Variants in GRIN2B observed in about 807,000 individuals in gnomAD.
GRIN2B encodes glutamate receptor ionotropic, NMDA 2B.
GRIN2B carries 5 observed loss-of-function variants against 114.5 expected under a neutral mutation model. The observed-to-expected ratio is 0.04, with a 90% CI of 0.02 to 0.09. The LOEUF (loss-of-function observed/expected upper bound fraction) is 0.09, where lower values mean the gene tolerates loss of function less well. Among genes scored for constraint, GRIN2B ranks in the 10% least tolerant of loss-of-function variants. GRIN2B has a pLI of 1.00. For synonymous variants in GRIN2B, 787 were observed against 745.1 expected (o/e 1.06, Z -0.92); for missense variants, 1,108 against 1,943.5 (o/e 0.57, Z 8.08).
intron 3 of GRIN2B, among the ~76,000 whole-genome samples, chr12:13,835,936 G>A (rs2284424): frequency 0.23 from 34,912 of 152,074 alleles, 4,433 homozygotes; most frequent in South Asian, 0.31. Context: ...AGAAAAGAGT[G>A]TAAGGGAGGT....
intron 3 of GRIN2B, among the ~76,000 whole-genome samples, chr12:13,828,219 C>A (rs1865084422): frequency 6.6e-6 from 1 of 152,178 alleles, no homozygotes; most frequent in Admixed American, 6.5e-5. Context: ...TATCTAATAA[C>A]CTTTATTTTA....
At chr12:13,635,915 T>A (rs2136502146) in intron 5 of GRIN2B, among the ~76,000 whole-genome samples, 1 of 152,314 alleles carries the variant, frequency 6.6e-6, no homozygotes, top group Middle Eastern at 3.4e-3. Context: ...AGTCAGGAAT[T>A]TTCTAGGTGC....
intron 3 of GRIN2B, among the ~76,000 whole-genome samples, chr12:13,776,936 T>C (rs2136651495): frequency 6.6e-6 from 1 of 152,258 alleles, no homozygotes; most frequent in African/African-American, 2.4e-5. Flanking sequence ...GCTGTGCTGC[T>C]TGTGCTGCAC....
intron 10 of GRIN2B, among the ~76,000 whole-genome samples, chr12:13,574,588 G>A (rs1948750423): frequency 1.3e-5 from 2 of 152,074 alleles, no homozygotes; most frequent in South Asian, 4.1e-4. Flanking sequence ...TAAATTTTAT[G>A]GTAACTAAAT....
chr12:13,803,757 G>A (rs1028931826), intron 3 of GRIN2B, among the ~76,000 whole-genome samples: 1 of 152,126 alleles, frequency 6.6e-6, no homozygotes, highest in African/African-American at 2.4e-5. Context: ...GAGATGGGAA[G>A]GTGATGGGGA....
chr12:13,683,076 G>A (rs902468879), intron 4 of GRIN2B, among the ~76,000 whole-genome samples: 3 of 152,096 alleles, frequency 2.0e-5, no homozygotes, highest in Non-Finnish European at 2.9e-5. Flanking sequence ...CTTTCACCAA[G>A]CAGGGTCAAT....
intron 10 of GRIN2B, among the ~76,000 whole-genome samples, chr12:13,591,654 A>C (rs1949010517): frequency 1.3e-5 from 2 of 152,212 alleles, no homozygotes; most frequent in Non-Finnish European, 2.9e-5. Context: ...GCCACCCAGC[A>C]GTCACTAATG....
At chr12:13,821,995 A>AAT in intron 3 of GRIN2B, among the ~76,000 whole-genome samples, 1 of 152,292 alleles carries the variant, frequency 6.6e-6, no homozygotes, top group East Asian at 1.9e-4. Context: ...TCCTAATTCT[A>AAT]ATATATATAA....
At chr12:13,588,692 A>G (rs987587372) in intron 10 of GRIN2B, among the ~76,000 whole-genome samples, 4 of 152,218 alleles carry the variant, frequency 2.6e-5, no homozygotes, top group Admixed American at 2.6e-4. Context: ...GCATGCATAC[A>G]TAATGCAGTG....
rs1177958943 is a variant in GRIN2B, at chr12:13,567,082, T to A, written c.2541A>T (p.Arg847=). Residue 847 remains arginine (R), a synonymous_variant, in exon 13 of 14, where the codon CGA becomes CGT. Transcript: ENST00000609686. ...CAGAACAGACACCCATAAAGCAATG[T>A]CGGAACTGCCAATAGAAAAGGTGTT... is the stretch of plus-strand genomic sequence containing the variant. The part of the protein sequence containing the change: ...ICEHLFYWQF[R]HCFMGVCSGK... The A allele has an allele frequency of 6.2e-7, 1 of 1,614,150 alleles. No individual in the cohort carries two copies.
intron 4 of GRIN2B, among the ~76,000 whole-genome samples, chr12:13,732,811 A>C (rs767128345): frequency 8.5e-5 from 13 of 152,216 alleles, no homozygotes; most frequent in Non-Finnish European, 1.9e-4. Context: ...GTAATCCAAG[A>C]GCCCAGAGAA....
At chr12:13,647,875 C>T (rs1949776422) in intron 5 of GRIN2B, among the ~76,000 whole-genome samples, 2 of 152,032 alleles carry the variant, frequency 1.3e-5, no homozygotes, top group Admixed American at 6.6e-5. Flanking sequence ...TAATGAATCC[C>T]GCAGCTTCTC....
chr12:13,885,667 CT>C (rs369153773), intron 2 of GRIN2B, among the ~76,000 whole-genome samples: 1 of 152,238 alleles, frequency 6.6e-6, no homozygotes, highest in African/African-American at 2.4e-5. Flanking sequence ...CTTAACAAGG[CT>C]TTTATGTATT....
At chr12:13,649,291 C>T (rs1164278321) in intron 5 of GRIN2B, among the ~76,000 whole-genome samples, 1 of 152,034 alleles carries the variant, frequency 6.6e-6, no homozygotes, top group Non-Finnish European at 1.5e-5. Context: ...CTCTTCTCTA[C>T]TGCCTTATTT....
chr12:13,679,294 T>C (rs554108170), intron 4 of GRIN2B, among the ~76,000 whole-genome samples: 9 of 152,184 alleles, frequency 5.9e-5, no homozygotes, highest in Admixed American at 1.3e-4. Flanking sequence ...AATAACTATA[T>C]AGCCTCTCAA....
intron 3 of GRIN2B, among the ~76,000 whole-genome samples, chr12:13,803,166 T>C (rs1292387581): frequency 2.6e-5 from 4 of 152,186 alleles, no homozygotes; most frequent in Non-Finnish European, 4.4e-5. Context: ...TAATAATGTA[T>C]GCAGCATACA....
intron 2 of GRIN2B, among the ~76,000 whole-genome samples, chr12:13,922,710 G>T (rs573484246): frequency 3.3e-5 from 5 of 152,302 alleles, no homozygotes; most frequent in African/African-American, 1.2e-4. Context: ...TGATGAAGTG[G>T]ATATCTGTTG....
chr12:13,972,976 C>T (rs896446892), intron 2 of GRIN2B, among the ~76,000 whole-genome samples: 2 of 152,124 alleles, frequency 1.3e-5, no homozygotes, highest in African/African-American at 4.8e-5. Flanking sequence ...ACACTAATCT[C>T]GAATCCAAAG....
At chr12:13,613,153 T>C (rs1949387049) in intron 8 of GRIN2B, among the ~76,000 whole-genome samples, 1 of 152,128 alleles carries the variant, frequency 6.6e-6, no homozygotes, top group Non-Finnish European at 1.5e-5. Flanking sequence ...AAAGGCTCTC[T>C]CCAGAGGTGT....
Sources: gnomAD v4.1 joint callset for allele counts (sites outside exome capture counted in the v4.1 genomes callset) on GRCh38, gnomAD v4.1.1 for gene constraint, MANE v1.5 for transcripts, NCBI Gene and HGNC (gene_info 2026-07-23, HGNC 2026-07-21) for gene names.